The following FBXW10B variants were observed in gnomAD, a reference collection of about 807,000 sequenced individuals.
The protein encoded by FBXW10B is F-box and WD repeat domain containing protein 10B.
the FBXW10B span, among the ~76,000 whole-genome samples, chr17:15,581,286 G>GTATT: frequency 6.6e-6 from 1 of 152,192 alleles, no homozygotes; most frequent in African/African-American, 2.4e-5. Flanking sequence ...AAGTATTAAA[G>GTATT]TATTTTTAAA....
At chr17:15,607,580 G>A in the FBXW10B span, 32 of 1,604,036 alleles carry the variant, frequency 2.0e-5, no homozygotes, top group East Asian at 6.9e-4. Context: ...CTACGTGTCA[G>A]AGAGAATGCG....
chr17:15,582,800 G>C, the FBXW10B span, among the ~76,000 whole-genome samples: 1 of 152,098 alleles, frequency 6.6e-6, no homozygotes, highest in Non-Finnish European at 1.5e-5. Context: ...TTAGACCAAA[G>C]AGCCGTTCAG....
chr17:15,607,826 G>C, the FBXW10B span: 15 of 656,502 alleles, frequency 2.3e-5, 1 homozygote, highest in South Asian at 2.6e-4. Flanking sequence ...GCAGAGAAGG[G>C]AGCAGCCAGT....
chr17:15,598,425 T>C, the FBXW10B span: 19 of 1,584,406 alleles, frequency 1.2e-5, no homozygotes, highest in South Asian at 1.7e-4. Context: ...GGATGGATGA[T>C]AAAGAATAAA....
chr17:15,600,102 G>A, the FBXW10B span, among the ~76,000 whole-genome samples: 2 of 151,702 alleles, frequency 1.3e-5, no homozygotes, highest in Non-Finnish European at 2.9e-5. Context: ...TGTAGTCCCA[G>A]CTACTCGGGA....
At chr17:15,612,334 C>A in the FBXW10B span, among the ~76,000 whole-genome samples, 13 of 151,704 alleles carry the variant, frequency 8.6e-5, no homozygotes, top group South Asian at 2.7e-3. Flanking sequence ...GGTGAAACCC[C>A]GCCTCTACTA....
chr17:15,606,620 TAC>T, the FBXW10B span, among the ~76,000 whole-genome samples: 4 of 140,156 alleles, frequency 2.9e-5, no homozygotes, highest in African/African-American at 8.6e-5. Flanking sequence ...TATATATATA[TAC>T]ATGTACATAT....
the FBXW10B span, among the ~76,000 whole-genome samples, chr17:15,616,507 A>T: frequency 6.6e-6 from 1 of 152,040 alleles, no homozygotes; most frequent in Non-Finnish European, 1.5e-5. Context: ...CTGCTCTAAG[A>T]AAAGAGAAGG....
the FBXW10B span, among the ~76,000 whole-genome samples, chr17:15,585,719 C>T: frequency 6.6e-6 from 1 of 152,174 alleles, no homozygotes; most frequent in African/African-American, 2.4e-5. Flanking sequence ...AAAACACTCT[C>T]ATAATAAGTA....
chr17:15,594,827 C>T, the FBXW10B span: 2 of 1,613,920 alleles, frequency 1.2e-6, no homozygotes, highest in African/African-American at 2.7e-5. Context: ...TCAGTGCTTC[C>T]TGAGAGGAGA....
chr17:15,619,453 G>A, the FBXW10B span: 579 of 1,613,896 alleles, frequency 3.6e-4, 4 homozygotes, highest in African/African-American at 6.6e-3. Context: ...GGATGGAATC[G>A]GTTCCCTTCT....
the FBXW10B span, among the ~76,000 whole-genome samples, chr17:15,610,934 C>T: frequency 1.6e-4 from 25 of 152,058 alleles, no homozygotes; most frequent in Admixed American, 5.2e-4. Context: ...GACCTCTCTG[C>T]GCCTCAGTTT....
chr17:15,614,768 G>T, the FBXW10B span, among the ~76,000 whole-genome samples: 1 of 152,158 alleles, frequency 6.6e-6, no homozygotes, highest in African/African-American at 2.4e-5. Context: ...CCATATAAAA[G>T]TGTTTTAGAA....
the FBXW10B span, among the ~76,000 whole-genome samples, chr17:15,590,726 G>A: frequency 1.3e-5 from 2 of 151,024 alleles, no homozygotes; most frequent in Non-Finnish European, 2.9e-5. Context: ...GACATTTGAG[G>A]TGGAGACCAT....
the FBXW10B span, chr17:15,618,854 G>A: frequency 5.1e-5 from 50 of 985,356 alleles, no homozygotes; most frequent in African/African-American, 6.8e-4. Flanking sequence ...AGGATCGGGT[G>A]TCAGGACGAG....
the FBXW10B span, chr17:15,565,989 A>T: frequency 6.2e-7 from 1 of 1,610,874 alleles, no homozygotes; most frequent in East Asian, 2.2e-5. Flanking sequence ...GGGCTCTAGG[A>T]CTGTGCAAAG....
At chr17:15,605,213 G>C in the FBXW10B span, 4 of 1,589,966 alleles carry the variant, frequency 2.5e-6, no homozygotes, top group Non-Finnish European at 3.4e-6. Flanking sequence ...GATGTCTTTG[G>C]ACTCCTCACC....
At chr17:15,572,149 A>G in the FBXW10B span, 2 of 151,878 alleles carry the variant, frequency 1.3e-5, no homozygotes, top group African/African-American at 4.8e-5. Flanking sequence ...TTGTGTATTG[A>G]AAATTATAGT....
At chr17:15,615,415 G>A in the FBXW10B span, among the ~76,000 whole-genome samples, 1 of 141,310 alleles carries the variant, frequency 7.1e-6, no homozygotes, top group South Asian at 2.3e-4. Context: ...TCTGCCTCCC[G>A]GCTTCACGCC....
Sources: gnomAD v4.1 joint callset for allele counts (sites outside exome capture counted in the v4.1 genomes callset) on GRCh38, gnomAD v4.1.1 for gene constraint, MANE v1.5 for transcripts, NCBI Gene and HGNC (gene_info 2026-07-23, HGNC 2026-07-21) for gene names.